NRG1: variants seen among roughly 807,000 people sequenced by gnomAD.
NRG1 encodes neuregulin 1.
Under a neutral mutation model 63.8 loss-of-function variants are expected in NRG1, and 18 were observed. That is an observed-to-expected ratio of 0.28 (90% confidence interval 0.19 to 0.42). The LOEUF is 0.42. Ranked by LOEUF, NRG1 falls within the 10% of genes least tolerant of loss-of-function variation. The probability of loss-of-function intolerance (pLI) is 1.00; values close to 1 mark genes in which losing one functional copy is unlikely to be tolerated. For synonymous variants in NRG1, 302 were observed against 301.3 expected, an observed-to-expected ratio of 1.00 and a Z score of -0.02; for missense variants, 762 against 814.7, an observed-to-expected ratio of 0.94 and a Z score of 0.79.
chr8:32,137,562 T>C (rs1835711749), intron 1 of NRG1, among the ~76,000 whole-genome samples: 3 of 152,348 alleles, frequency 2.0e-5, no homozygotes, highest in Middle Eastern at 3.4e-3. Context: ...TGCATGCATA[T>C]GTCAAGTGTC....
At chr8:32,194,050 G>A (rs1001526575) in intron 1 of NRG1, among the ~76,000 whole-genome samples, 4 of 152,210 alleles carry the variant, frequency 2.6e-5, no homozygotes, top group African/African-American at 9.6e-5. Context: ...GACAGCCCTT[G>A]GAATTGAATA....
intron 1 of NRG1, among the ~76,000 whole-genome samples, chr8:32,455,253 T>C (rs928185269): frequency 6.6e-6 from 1 of 152,210 alleles, no homozygotes; most frequent in African/African-American, 2.4e-5. Flanking sequence ...ATCCCAGTTT[T>C]CTGCGGGAAT....
intron 1 of NRG1, among the ~76,000 whole-genome samples, chr8:32,044,194 T>C (rs1443202763): frequency 2.6e-5 from 4 of 151,640 alleles, no homozygotes; most frequent in African/African-American, 9.7e-5. Context: ...GCAAGGAAAA[T>C]GACTGGGAAT....
intron 1 of NRG1, among the ~76,000 whole-genome samples, chr8:32,245,710 C>T (rs898069728): frequency 3.9e-5 from 6 of 152,036 alleles, no homozygotes; most frequent in African/African-American, 1.4e-4. Flanking sequence ...TCAGATTTGG[C>T]CTGATTATTT....
At chr8:32,748,936 GA>G (rs1183892865) in intron 7 of NRG1, 3 of 231,398 alleles carry the variant, frequency 1.3e-5, no homozygotes. Flanking sequence ...AAGTGATGAG[GA>G]AAGTGGAAGA....
rs547389393 is a variant in NRG1, at chr8:32,002,106, C to T, written c.37+362675C>T. ...TAGCACGATCTCAGCTCACTACAACCTCTGCCTCCCAGGTTCAAGTGATTC... is the reference window on the plus strand; with the variant it reads ...TAGCACGATCTCAGCTCACTACAACTTCTGCCTCCCAGGTTCAAGTGATTC... On this transcript the variant is annotated intron_variant, in intron 1 of 10. Transcript: ENST00000519301. 2.3e-3 allele frequency among the ~76,000 whole-genome samples: 350 copies of T among 152,162 alleles called. 1 individual carries two copies. The highest frequency in any genetic ancestry group is 8.0e-3 in the African/African-American group (331 of 41,548).
intron 1 of NRG1, among the ~76,000 whole-genome samples, chr8:31,698,356 G>A (rs1014334889): frequency 6.6e-6 from 1 of 152,160 alleles, no homozygotes; most frequent in East Asian, 1.9e-4. Context: ...CAGGATGCTA[G>A]TGATGTGGGG....
At chr8:32,543,290 T>A (rs1832751044), upstream of NRG1, among the ~76,000 whole-genome samples, 2 of 152,138 alleles carry the variant, frequency 1.3e-5, no homozygotes, top group African/African-American at 4.8e-5. Flanking sequence ...TACACATGTA[T>A]GTCTACATAT....
At chr8:31,826,918 A>G (rs748177678) in intron 1 of NRG1, among the ~76,000 whole-genome samples, 1 of 152,190 alleles carries the variant, frequency 6.6e-6, no homozygotes, top group African/African-American at 2.4e-5. Flanking sequence ...ATGATGCTAA[A>G]TCCAATTCTA....
chr8:32,679,441 A>G (rs76027374), intron 5 of NRG1, among the ~76,000 whole-genome samples: 2,991 of 152,248 alleles, frequency 0.02, 105 homozygotes, highest in African/African-American at 0.068. Context: ...TGGCCCATTA[A>G]CTATCTTTGC....
At chr8:32,108,475 A>C (rs1831566290) in intron 1 of NRG1, among the ~76,000 whole-genome samples, 1 of 152,218 alleles carries the variant, frequency 6.6e-6, no homozygotes, top group Non-Finnish European at 1.5e-5. Flanking sequence ...CCTTAATCGC[A>C]TTCGTGAGGG....
intron 1 of NRG1, among the ~76,000 whole-genome samples, chr8:32,563,478 C>A (rs1588333370): frequency 6.6e-6 from 1 of 152,154 alleles, no homozygotes; most frequent in Non-Finnish European, 1.5e-5. Context: ...TTGGGAATTA[C>A]TAGTGCAGAA....
At chr8:32,180,369 G>A (rs902465725) in intron 1 of NRG1, among the ~76,000 whole-genome samples, 11 of 152,110 alleles carry the variant, frequency 7.2e-5, no homozygotes, top group Non-Finnish European at 1.2e-4. Context: ...GAGGTGCCCA[G>A]GGATTTTACT....
At chr8:32,705,178 G>C (rs1816042824) in intron 5 of NRG1, among the ~76,000 whole-genome samples, 1 of 150,554 alleles carries the variant, frequency 6.6e-6, no homozygotes, top group Non-Finnish European at 1.5e-5. Flanking sequence ...TGTCGCCCAG[G>C]CTGGAGTGCA....
chr8:32,583,046 CT>C (rs1387274339), intron 1 of NRG1, among the ~76,000 whole-genome samples: 1 of 151,198 alleles, frequency 6.6e-6, no homozygotes, highest in Non-Finnish European at 1.5e-5. Flanking sequence ...TTTCCAGCTA[CT>C]TTTTTTTTCT....
chr8:32,746,824 A>G (rs945443268), intron 7 of NRG1, among the ~76,000 whole-genome samples: 3 of 151,824 alleles, frequency 2.0e-5, no homozygotes, highest in Admixed American at 2.0e-4. Context: ...ACAGATAGAA[A>G]GTAATAACCT....
intron 1 of NRG1, among the ~76,000 whole-genome samples, chr8:32,408,948 A>G (rs113011329): frequency 3.1e-4 from 47 of 151,862 alleles, no homozygotes; most frequent in Middle Eastern, 3.4e-3. Flanking sequence ...GTCCATGTGT[A>G]CTCATTATTT....
At chr8:31,646,102 T>C (rs1393830771) in intron 1 of NRG1, among the ~76,000 whole-genome samples, 3 of 152,188 alleles carry the variant, frequency 2.0e-5, no homozygotes, top group Non-Finnish European at 4.4e-5. Context: ...TGAATGCAAA[T>C]GGTCTTTCTG....
At chr8:32,721,822 A>G in intron 5 of NRG1, 1 of 1,360,102 alleles carries the variant, frequency 7.4e-7, no homozygotes, top group South Asian at 2.1e-5. Flanking sequence ...AAGCTACATT[A>G]GGTGGCACAG....
Sources: allele counts gnomAD v4.1 joint callset (sites outside exome capture counted in the v4.1 genomes callset), GRCh38; gene constraint gnomAD v4.1.1; transcripts MANE v1.5; gene names NCBI Gene and HGNC (gene_info 2026-07-23, HGNC 2026-07-21).